Variants in FKTN observed in about 807,000 individuals in gnomAD.
FKTN encodes fukutin.
FKTN carries 47 observed loss-of-function variants against 58.6 expected under a neutral mutation model. That is an observed-to-expected ratio of 0.80 (90% confidence interval 0.63 to 1.02). FKTN has a LOEUF of 1.02. FKTN is among the 50% of genes least tolerant of loss of function. FKTN has a pLI of 0.00. For missense variants in FKTN, 516 were observed against 537.3 expected, an observed-to-expected ratio of 0.96 and a Z score of 0.39; for synonymous variants, 178 against 191.9, an observed-to-expected ratio of 0.93 and a Z score of 0.60.
intron 10 of FKTN, among the ~76,000 whole-genome samples, chr9:105,620,374 G>A (rs1831650985): frequency 6.6e-6 from 1 of 152,156 alleles, no homozygotes; most frequent in Admixed American, 6.5e-5. Flanking sequence ...AGGCTGACCT[G>A]GGAAACCTTA....
chr9:105,568,506 G>C (rs968237401), intron 1 of FKTN, among the ~76,000 whole-genome samples: 1 of 152,180 alleles, frequency 6.6e-6, no homozygotes, highest in African/African-American at 2.4e-5. Flanking sequence ...CTCAAAAGAA[G>C]ACATTTATGC....
chr9:105,570,862 T>C (rs1840616247), intron 1 of FKTN, among the ~76,000 whole-genome samples: 1 of 152,084 alleles, frequency 6.6e-6, no homozygotes. Context: ...AGTAAACTGG[T>C]TTTATGGAAG....
intron 6 of FKTN, among the ~76,000 whole-genome samples, chr9:105,604,783 C>T (rs1335986633): frequency 2.0e-5 from 3 of 151,718 alleles, no homozygotes; most frequent in South Asian, 2.1e-4. Flanking sequence ...GGTGAAACCT[C>T]GTCTCTACAA....
At chr9:105,581,744 T>G (rs957192730) in intron 3 of FKTN, among the ~76,000 whole-genome samples, 10 of 152,202 alleles carry the variant, frequency 6.6e-5, no homozygotes, top group Non-Finnish European at 1.3e-4. Flanking sequence ...GCCTGGGCAA[T>G]GGCGGGCGCC....
In FKTN at chr9:105,636,812, CTT is replaced by C. The variant is rs1834076310; in HGVS notation, c.*1552_*1553del. ...ATGTCTGAGGGAATGGGCTGGTAGA[CTT>C]TTTCGAAAACAAATTAGAGAAAGTA... On this transcript the variant is annotated 3_prime_UTR_variant, in exon 11 of 11. Coordinates refer to ENST00000357998, the MANE Select transcript of FKTN (RefSeq NM_001079802.2). The C allele has an allele frequency of 8.2e-7, 1 of 1,220,428 alleles. No individual in the cohort carries two copies. Among genetic ancestry groups the C allele is most frequent in the Admixed American group, 2.7e-5 (1 of 36,724 alleles). 75.6% of individuals were successfully genotyped at this position (1,220,428 alleles called of 1,614,324 possible).
chr9:105,602,982 A>G (rs1828168198), intron 5 of FKTN, among the ~76,000 whole-genome samples: 1 of 152,202 alleles, frequency 6.6e-6, no homozygotes, highest in Admixed American at 6.5e-5. Context: ...TAATGCCATT[A>G]CCATAAAGTG....
At chr9:105,603,244 T>C (rs530834692) in intron 5 of FKTN, among the ~76,000 whole-genome samples, 51 of 152,344 alleles carry the variant, frequency 3.3e-4, no homozygotes, top group African/African-American at 1.2e-3. Flanking sequence ...ATAATGCCTT[T>C]CTTTTATTCT....
Position 105,636,764 on chromosome 9 carries a change from T to C in FKTN, c.*1500T>C. On this transcript the variant is annotated 3_prime_UTR_variant, in exon 11 of 11. Coordinates refer to ENST00000357998, the MANE Select transcript of FKTN (RefSeq NM_001079802.2). ...TTCCTCTGACACCAGAGAACAATAG[T>C]AGTCTCAAGAATGGAAACCTGAATG... 1 of 1,285,770 alleles carries C rather than the reference T, an allele frequency of 7.8e-7. No homozygotes were observed. Among genetic ancestry groups the C allele is most frequent in the South Asian group, 1.3e-5 (1 of 78,166 alleles). 79.6% of individuals were successfully genotyped at this position (1,285,770 alleles called of 1,614,324 possible).
chr9:105,563,697 G>A (rs1589171333), intron 1 of FKTN, among the ~76,000 whole-genome samples: 1 of 152,190 alleles, frequency 6.6e-6, no homozygotes, highest in Non-Finnish European at 1.5e-5. Context: ...AAGGAGGCCT[G>A]CCTGCCTCTG....
rs559867594 is a variant in FKTN, at chr9:105,632,453, A to G, written c.1173-2598A>G. On this transcript the variant is annotated intron_variant, in intron 10 of 10. Coordinates refer to ENST00000357998, the MANE Select transcript of FKTN (RefSeq NM_001079802.2). ...ATATATATATATATAAAAATAAAAA[A>G]TAAAATAAATAAAAAAGCCAGGTTC... 1.6e-4 allele frequency among the ~76,000 whole-genome samples: 24 copies of G among 149,720 alleles called. No homozygotes were observed. In the South Asian group the frequency reaches 2.1e-3, roughly 13 times the overall value.
chr9:105,628,077 T>C (rs1832950403), intron 10 of FKTN, among the ~76,000 whole-genome samples: 1 of 152,232 alleles, frequency 6.6e-6, no homozygotes, highest in Non-Finnish European at 1.5e-5. Flanking sequence ...ATTGTCTCTC[T>C]CAGCTTCACA....
At chr9:105,620,644 G>A (rs1376547672) in intron 10 of FKTN, among the ~76,000 whole-genome samples, 4 of 152,082 alleles carry the variant, frequency 2.6e-5, no homozygotes, top group African/African-American at 9.7e-5. Flanking sequence ...CTGTAAAATG[G>A]AAATTATAGT....
intron 7 of FKTN, among the ~76,000 whole-genome samples, chr9:105,612,736 G>T (rs887997695): frequency 6.6e-6 from 1 of 152,172 alleles, no homozygotes; most frequent in Non-Finnish European, 1.5e-5. Flanking sequence ...AGGCCAAGGC[G>T]GGTGGATTGC....
At chr9:105,613,384 T>C (rs1266661039) in intron 7 of FKTN, among the ~76,000 whole-genome samples, 2 of 152,244 alleles carry the variant, frequency 1.3e-5, no homozygotes, top group Non-Finnish European at 2.9e-5. Context: ...GTATATTCTG[T>C]AGACAGTGAC....
chr9:105,582,721 A>G (rs1046281902), intron 3 of FKTN, among the ~76,000 whole-genome samples: 1 of 152,248 alleles, frequency 6.6e-6, no homozygotes, highest in African/African-American at 2.4e-5. Context: ...TTCTTAGGAT[A>G]AAGTCCTAGA....
rs757798867 is a variant in FKTN at position 105,601,226 on chromosome 9, A to G, written c.247A>G (p.Ile83Val). ...FLIDPLILEL[I>V]NKNFEQVKNT... ...TATTGATCCTTTGATACTGGAATTG[A>G]TTAATAAGAACTTTGAACAAGTCAA... The change falls in exon 5 of 11, where the codon ATT becomes GTT. Residue 83 changes from isoleucine to valine, a missense_variant. By Grantham distance (29) the Ile-to-Val change is conservative (BLOSUM62 3). Transcript: ENST00000357998. The G allele has an allele frequency of 1.1e-5, 17 of 1,610,452 alleles. No homozygotes were observed. Among genetic ancestry groups the G allele is most frequent in the Admixed American group, 1.7e-5 (1 of 59,978 alleles).
chr9:105,594,321 A>G (rs960704431), intron 3 of FKTN, among the ~76,000 whole-genome samples: 6 of 152,226 alleles, frequency 3.9e-5, no homozygotes, highest in Admixed American at 2.6e-4. Context: ...AAGCAATGCC[A>G]TAAGTTGAAA....
chr9:105,601,206 A>T lies in FKTN; in HGVS notation c.227A>T (p.Asp76Val). The change falls in exon 5 of 11, where the codon GAT becomes GTT. Residue 76 changes from aspartate to valine, a missense_variant. Asp to Val is a radical substitution (Grantham distance 152, BLOSUM62 -3). Transcript: ENST00000357998. ...SNQNVPVFLIDPLILELINKN... is the reference protein window; with the variant it reads ...SNQNVPVFLIVPLILELINKN... ...CAAAATGTACCAGTGTTTCTTATTG[A>T]TCCTTTGATACTGGAATTGATTAAT... The T allele has an allele frequency of 6.2e-7, 1 of 1,611,258 alleles. No homozygotes were observed. The highest frequency in any genetic ancestry group is 1.3e-5 in the African/African-American group (1 of 74,980).
chr9:105,602,522 C>T (rs767662598), intron 5 of FKTN, among the ~76,000 whole-genome samples: 77 of 152,204 alleles, frequency 5.1e-4, no homozygotes, highest in South Asian at 4.1e-4. Context: ...GTTTATTCTT[C>T]GTTTGTTTTT....
Sources: allele counts gnomAD v4.1 joint callset (sites outside exome capture counted in the v4.1 genomes callset), GRCh38; gene constraint gnomAD v4.1.1; transcripts MANE v1.5; gene names NCBI Gene and HGNC (gene_info 2026-07-23, HGNC 2026-07-21).